The following NPAS3 variants were observed in gnomAD, a reference collection of about 807,000 sequenced individuals.
The protein encoded by NPAS3 is neuronal PAS domain-containing protein 3.
Under a neutral mutation model 73.1 loss-of-function variants are expected in NPAS3, and 14 were observed. The ratio of observed to expected loss-of-function variants is 0.19; its 90% confidence interval spans 0.13 to 0.30. The LOEUF (loss-of-function observed/expected upper bound fraction) is 0.30, where lower values mean the gene tolerates loss of function less well. Ranked by LOEUF, NPAS3 falls within the 10% of genes least tolerant of loss-of-function variation. NPAS3 has a pLI of 1.00. For missense variants in NPAS3, 1,096 were observed against 1,250.0 expected (o/e 0.88, Z 1.86); for synonymous variants, 620 against 541.5 (o/e 1.14, Z -2.01).
intron 3 of NPAS3, among the ~76,000 whole-genome samples, chr14:33,315,362 T>G (rs2043166782): frequency 6.6e-6 from 1 of 152,060 alleles, no homozygotes; most frequent in Admixed American, 6.6e-5. Context: ...AATAGATTCT[T>G]TATTGTGTTT....
chr14:33,045,772 A>G (rs1236848515), intron 1 of NPAS3, among the ~76,000 whole-genome samples: 2 of 152,204 alleles, frequency 1.3e-5, no homozygotes, highest in Non-Finnish European at 2.9e-5. Context: ...TTAGTTCTTA[A>G]GGCTATGTTG....
chr14:33,503,945 T>G (rs544407081), intron 4 of NPAS3, among the ~76,000 whole-genome samples: 2 of 152,024 alleles, frequency 1.3e-5, no homozygotes, highest in Non-Finnish European at 2.9e-5. Context: ...TAAATATTTT[T>G]AGAAAAGGTC....
Position 33,793,884 on chromosome 14 carries a change from T to C in NPAS3, c.1154-13T>C. 4 of 1,605,148 alleles carry C rather than the reference T, an allele frequency of 2.5e-6. No homozygotes were observed. Among genetic ancestry groups the C allele is most frequent in the Non-Finnish European group, 3.4e-6 (4 of 1,176,988 alleles). On this transcript the variant is annotated splice_polypyrimidine_tract_variant and intron_variant, in intron 9 of 11. Transcript: ENST00000356141. ...TCTTAATACAATGCCTCTGTTTTGT[T>C]TTTTTTCGCCAGTGCTGAATAAGGG...
intron 5 of NPAS3, among the ~76,000 whole-genome samples, chr14:33,610,504 A>C (rs543982002): frequency 2.0e-5 from 3 of 152,150 alleles, no homozygotes; most frequent in Non-Finnish European, 2.9e-5. Context: ...ATGCTCTTGT[A>C]TGACAAAAAA....
intron 2 of NPAS3, among the ~76,000 whole-genome samples, chr14:33,205,939 A>G (rs921643718): frequency 1.3e-5 from 2 of 152,164 alleles, no homozygotes; most frequent in Admixed American, 6.5e-5. Flanking sequence ...TTCCCACTAG[A>G]AAGGTCGTTT....
intron 5 of NPAS3, among the ~76,000 whole-genome samples, chr14:33,598,596 G>A (rs1176559929): frequency 6.6e-6 from 1 of 152,170 alleles, no homozygotes; most frequent in Admixed American, 6.5e-5. Context: ...ACTTGCATAT[G>A]TTAGGCTACT....
At chr14:33,353,341 G>A (rs1208752797) in intron 3 of NPAS3, among the ~76,000 whole-genome samples, 1 of 152,070 alleles carries the variant, frequency 6.6e-6, no homozygotes, top group Non-Finnish European at 1.5e-5. Context: ...CTTGCCTGTG[G>A]GTATTTGACA....
At chr14:33,671,235 C>T (rs112223740) in intron 5 of NPAS3, among the ~76,000 whole-genome samples, 1,862 of 152,234 alleles carry the variant, frequency 0.012, 17 homozygotes, top group Non-Finnish European at 0.021. Flanking sequence ...AAAAGTATTG[C>T]TCACTCCAGG....
At chr14:33,522,412 T>A (rs1441520946) in intron 4 of NPAS3, among the ~76,000 whole-genome samples, 3 of 152,268 alleles carry the variant, frequency 2.0e-5, no homozygotes, top group African/African-American at 7.2e-5. Flanking sequence ...TGTAGTTGTA[T>A]CCCTGTGGGT....
At chr14:33,090,602 T>C (rs1253870221) in intron 2 of NPAS3, among the ~76,000 whole-genome samples, 1 of 152,040 alleles carries the variant, frequency 6.6e-6, no homozygotes, top group Non-Finnish European at 1.5e-5. Context: ...GACAGAAAGT[T>C]AACAAGGATA....
chr14:33,402,646 G>A (rs1043574635), intron 4 of NPAS3, among the ~76,000 whole-genome samples: 7 of 152,124 alleles, frequency 4.6e-5, no homozygotes, highest in African/African-American at 1.7e-4. Context: ...CTGCTGTGGG[G>A]TCCTCCAACT....
intron 5 of NPAS3, among the ~76,000 whole-genome samples, chr14:33,654,209 A>C (rs766767315): frequency 2.6e-5 from 4 of 152,132 alleles, no homozygotes; most frequent in Non-Finnish European, 5.9e-5. Flanking sequence ...ATTTAATGGA[A>C]TATTTAATTA....
intron 6 of NPAS3, among the ~76,000 whole-genome samples, chr14:33,692,363 G>C (rs1040461046): frequency 6.6e-6 from 1 of 152,082 alleles, no homozygotes; most frequent in Non-Finnish European, 1.5e-5. Flanking sequence ...AAAAGATTAA[G>C]ATTTACCCTG....
chr14:33,594,744 T>A (rs2057183459), intron 5 of NPAS3, among the ~76,000 whole-genome samples: 1 of 152,168 alleles, frequency 6.6e-6, no homozygotes, highest in Non-Finnish European at 1.5e-5. Flanking sequence ...GTTGCGGGAT[T>A]TTTCAGCCTA....
chr14:33,267,988 C>T (rs2040891745), intron 3 of NPAS3, among the ~76,000 whole-genome samples: 1 of 152,106 alleles, frequency 6.6e-6, no homozygotes, highest in Non-Finnish European at 1.5e-5. Context: ...CTACTGTATG[C>T]CTAAGGATGA....
intron 1 of NPAS3, among the ~76,000 whole-genome samples, chr14:32,979,070 A>T (rs1043060541): frequency 1.3e-5 from 2 of 152,172 alleles, no homozygotes; most frequent in African/African-American, 4.8e-5. Flanking sequence ...TAAAATGGGG[A>T]TAATAGTGTG....
At chr14:33,207,234 T>TACACAC (rs760045327) in intron 2 of NPAS3, among the ~76,000 whole-genome samples, 2 of 88,326 alleles carry the variant, frequency 2.3e-5, no homozygotes, top group African/African-American at 7.9e-5. Context: ...CAAAGAACAT[T>TACACAC]ACACACACAC....
At chr14:33,020,903 G>C (rs1159691180) in intron 1 of NPAS3, among the ~76,000 whole-genome samples, 1 of 152,036 alleles carries the variant, frequency 6.6e-6, no homozygotes, top group Non-Finnish European at 1.5e-5. Flanking sequence ...TGGGATTACA[G>C]GTGCGTGCCA....
At chr14:33,699,388 T>C (rs756947906) in intron 6 of NPAS3, among the ~76,000 whole-genome samples, 2 of 152,216 alleles carry the variant, frequency 1.3e-5, no homozygotes, top group Non-Finnish European at 2.9e-5. Flanking sequence ...TAGATCTGTT[T>C]TTCTGAAACC....
Sources: allele counts gnomAD v4.1 joint callset (sites outside exome capture counted in the v4.1 genomes callset), GRCh38; gene constraint gnomAD v4.1.1; transcripts MANE v1.5; gene names NCBI Gene and HGNC (gene_info 2026-07-23, HGNC 2026-07-21).